FARS2: variants seen among roughly 807,000 people sequenced by gnomAD.
FARS2 encodes the protein phenylalanyl-tRNA synthetase 2, mitochondrial, also known as phenylalanine--tRNA ligase, mitochondrial.
Under a neutral mutation model 46.4 loss-of-function variants are expected in FARS2, and 40 were observed. That is an observed-to-expected ratio of 0.86 (90% CI 0.67 to 1.12). The LOEUF (loss-of-function observed/expected upper bound fraction) is 1.12. Ranked by LOEUF, FARS2 falls within the 50% of genes most tolerant of loss-of-function variation. FARS2 has a pLI of 0.00. For missense variants in FARS2, 513 were observed against 567.9 expected, an observed-to-expected ratio of 0.90 and a Z score of 0.98; for synonymous variants, 234 against 214.9, an observed-to-expected ratio of 1.09 and a Z score of -0.78.
At chr6:5,465,722 GAT>G (rs1177584724) in intron 4 of FARS2, among the ~76,000 whole-genome samples, 1 of 151,324 alleles carries the variant, frequency 6.6e-6, no homozygotes, top group African/African-American at 2.4e-5. Context: ...AGCACTAGGA[GAT>G]ATCTTTTTTT....
At chr6:5,707,769 G>A (rs932184879) in intron 6 of FARS2, among the ~76,000 whole-genome samples, 4 of 152,148 alleles carry the variant, frequency 2.6e-5, no homozygotes, top group East Asian at 3.9e-4. Flanking sequence ...GTCCATCCCC[G>A]GCGCACATCT....
At chr6:5,435,343 T>C (rs1763459428) in intron 4 of FARS2, among the ~76,000 whole-genome samples, 2 of 152,210 alleles carry the variant, frequency 1.3e-5, no homozygotes, top group Admixed American at 6.5e-5. Context: ...TGTGATAGAG[T>C]GTATTTAATT....
intron 6 of FARS2, among the ~76,000 whole-genome samples, chr6:5,750,776 A>C (rs1297805712): frequency 1.3e-5 from 2 of 152,096 alleles, no homozygotes; most frequent in Non-Finnish European, 2.9e-5. Context: ...GTGGCTTCTT[A>C]TTTCTGCCTG....
At chr6:5,604,530 G>A (rs1774718796) in intron 5 of FARS2, among the ~76,000 whole-genome samples, 2 of 152,126 alleles carry the variant, frequency 1.3e-5, no homozygotes, top group South Asian at 2.1e-4. Flanking sequence ...CCAGGCCCTC[G>A]GCGGACCCCA....
intron 4 of FARS2, among the ~76,000 whole-genome samples, chr6:5,448,489 A>G (rs959389478): frequency 1.4e-5 from 2 of 138,570 alleles, no homozygotes; most frequent in African/African-American, 5.4e-5. Flanking sequence ...TTTTTCACTT[A>G]CAGTGTATTT....
chr6:5,771,342 G>T lies in FARS2; in HGVS notation c.1269G>T (p.Arg423=), dbSNP rs758019336. 39 of 1,614,000 alleles carry T rather than the reference G, an allele frequency of 2.4e-5. No individual in the cohort carries two copies. The South Asian group carries it at 4.1e-4, about 17-fold the overall frequency. The change falls in exon 7 of 7, where the codon CGG becomes CGT. Residue 423 remains arginine, a synonymous_variant. Coordinates refer to ENST00000274680, the MANE Select transcript of FARS2 (RefSeq NM_006567.5). ...CYRITYRHME[R]TLSQREVRHI... ...GCATCACGTACCGCCACATGGAACG[G>T]ACTCTGTCCCAGAGAGAGGTCAGGC...
chr6:5,277,691 T>G (rs61407028), intron 1 of FARS2, among the ~76,000 whole-genome samples: 1 of 152,232 alleles, frequency 6.6e-6, no homozygotes, highest in Admixed American at 6.5e-5. Flanking sequence ...TTACAGTGAA[T>G]ACATTTAAGA....
At chr6:5,472,228 G>A (rs1765846076) in intron 4 of FARS2, among the ~76,000 whole-genome samples, 1 of 152,190 alleles carries the variant, frequency 6.6e-6, no homozygotes, top group African/African-American at 2.4e-5. Context: ...CTGGGGTTTA[G>A]CAGGCACGCT....
chr6:5,732,232 G>T (rs1760673181), intron 6 of FARS2, among the ~76,000 whole-genome samples: 1 of 152,180 alleles, frequency 6.6e-6, no homozygotes, highest in African/African-American at 2.4e-5. Context: ...TCAACAAATG[G>T]CTCTAGTAGC....
chr6:5,569,772 C>T (rs1302417925), intron 5 of FARS2, among the ~76,000 whole-genome samples: 1 of 152,008 alleles, frequency 6.6e-6, no homozygotes, highest in African/African-American at 2.4e-5. Flanking sequence ...GAAGTCAGGG[C>T]ATATTGTTAT....
chr6:5,335,274 T>C (rs957039768), intron 1 of FARS2, among the ~76,000 whole-genome samples: 2 of 152,170 alleles, frequency 1.3e-5, no homozygotes, highest in African/African-American at 4.8e-5. Context: ...CTTTGTGATC[T>C]GTTTAGCAGC....
At chr6:5,492,929 G>A (rs149859168) in intron 4 of FARS2, among the ~76,000 whole-genome samples, 165 of 152,328 alleles carry the variant, frequency 1.1e-3, no homozygotes, top group African/African-American at 3.7e-3. Context: ...ATGCCCTTGC[G>A]GGCTGGAGCT....
intron 4 of FARS2, among the ~76,000 whole-genome samples, chr6:5,487,786 TG>T (rs1766867185): frequency 6.6e-6 from 1 of 152,172 alleles, no homozygotes; most frequent in African/African-American, 2.4e-5. Flanking sequence ...CTTTGGTCAT[TG>T]ACATACCGTG....
chr6:5,359,390 A>G (rs775755162), intron 1 of FARS2, among the ~76,000 whole-genome samples: 2 of 152,130 alleles, frequency 1.3e-5, no homozygotes, highest in Non-Finnish European at 2.9e-5. Flanking sequence ...TGAGATAATA[A>G]TTGTTTTAGA....
At chr6:5,341,505 T>G (rs1377887662) in intron 1 of FARS2, among the ~76,000 whole-genome samples, 3 of 151,480 alleles carry the variant, frequency 2.0e-5, no homozygotes, top group Non-Finnish European at 4.4e-5. Flanking sequence ...ATGACTTTAT[T>G]TATTTATTAT....
At chr6:5,585,655 C>G (rs1327780048) in intron 5 of FARS2, among the ~76,000 whole-genome samples, 2 of 151,844 alleles carry the variant, frequency 1.3e-5, no homozygotes, top group Non-Finnish European at 2.9e-5. Context: ...GATTTCCTTC[C>G]TTTTGTGGCT....
At chr6:5,330,843 C>T (rs1368362495) in intron 1 of FARS2, among the ~76,000 whole-genome samples, 5 of 152,142 alleles carry the variant, frequency 3.3e-5, no homozygotes, top group Non-Finnish European at 7.4e-5. Context: ...GGGTGGGTCA[C>T]GCCTGTAATC....
At chr6:5,353,733 T>G (rs1212642022) in intron 1 of FARS2, among the ~76,000 whole-genome samples, 1 of 144,440 alleles carries the variant, frequency 6.9e-6, no homozygotes, top group African/African-American at 2.6e-5. Context: ...GGTGTTTTTT[T>G]TTTTTTTTTT....
intron 4 of FARS2, among the ~76,000 whole-genome samples, chr6:5,512,478 G>A (rs1364395430): frequency 6.6e-6 from 1 of 152,060 alleles, no homozygotes; most frequent in Non-Finnish European, 1.5e-5. Flanking sequence ...AATTAGCAAA[G>A]GCTTTTGGGT....
Sources: allele counts gnomAD v4.1 joint callset (sites outside exome capture counted in the v4.1 genomes callset), GRCh38; gene constraint gnomAD v4.1.1; transcripts MANE v1.5; gene names NCBI Gene and HGNC (gene_info 2026-07-23, HGNC 2026-07-21).